BIRC6: variants seen among roughly 807,000 people sequenced by gnomAD.
BIRC6 encodes the protein dual E2 ubiquitin-conjugating enzyme/E3 ubiquitin-protein ligase BIRC6.
BIRC6 carries 98 observed loss-of-function variants against 503.3 expected under a neutral mutation model. The observed-to-expected ratio is 0.19, with a 90% CI of 0.17 to 0.23. The LOEUF (loss-of-function observed/expected upper bound fraction) is 0.23, where lower values mean the gene tolerates loss of function less well. Ranked by LOEUF, BIRC6 falls within the 10% of genes least tolerant of loss-of-function variation. The pLI is 1.00. For synonymous variants in BIRC6, 2,240 were observed against 2,078.7 expected, an observed-to-expected ratio of 1.08 and a Z score of -2.11; for missense variants, 5,360 against 5,806.0, an observed-to-expected ratio of 0.92 and a Z score of 2.50.
intron 1 of BIRC6, among the ~76,000 whole-genome samples, chr2:32,375,208 G>C (rs1018230999): frequency 1.3e-5 from 2 of 152,142 alleles, no homozygotes; most frequent in South Asian, 4.1e-4. Context: ...CTGTAAAAAG[G>C]GACAGTTTTA....
chr2:32,371,217 A>G (rs2035891502), intron 1 of BIRC6, among the ~76,000 whole-genome samples: 2 of 128,770 alleles, frequency 1.6e-5, no homozygotes, highest in Non-Finnish European at 3.2e-5. Context: ...CCCTGTCTCA[A>G]AAAAAAAAAA....
At position 32,607,627 on chromosome 2, in the gene BIRC6, C is replaced by T. The variant is rs1262100239; in HGVS notation, c.14243C>T (p.Ser4748Leu). The part of the protein sequence containing the change: ...WAMLEQIRNP[S>L]PCFKEVIHKH... Reference sequence around the variant, plus strand: ...ATGCTAGAACAAATCAGAAACCCTTCACCATGTTTTAAAGAGGTATGTTCA... The same window carrying T: ...ATGCTAGAACAAATCAGAAACCCTTTACCATGTTTTAAAGAGGTATGTTCA... The change falls in exon 72 of 74, where the codon TCA becomes TTA. Residue 4748 changes from serine (S) to leucine (L), a missense_variant. Ser to Leu is a moderately radical substitution (Grantham distance 145). Coordinates refer to ENST00000421745, the MANE Select transcript of BIRC6 (RefSeq NM_016252.4). 1.2e-6 allele frequency: 2 copies of T among 1,607,470 alleles called. No homozygotes were observed. The highest frequency in any genetic ancestry group is 1.7e-6 in the Non-Finnish European group (2 of 1,176,648).
At chr2:32,371,337 T>C (rs759889383) in intron 1 of BIRC6, among the ~76,000 whole-genome samples, 1 of 151,524 alleles carries the variant, frequency 6.6e-6, no homozygotes, top group Admixed American at 6.6e-5. Flanking sequence ...GAGATGGGCA[T>C]TGTTAACATT....
intron 68 of BIRC6, among the ~76,000 whole-genome samples, 171 bp downstream of exon 68, chr2:32,595,315 A>G (rs557579697): frequency 7.2e-5 from 11 of 152,280 alleles, no homozygotes; most frequent in Middle Eastern, 3.4e-3. Flanking sequence ...TTATGTCTGT[A>G]TTTTTAGTTA....
chr2:32,581,491 T>G (rs2151164646), intron 66 of BIRC6, among the ~76,000 whole-genome samples: 1 of 152,334 alleles, frequency 6.6e-6, no homozygotes, highest in African/African-American at 2.4e-5. Flanking sequence ...TTGCCTTTTT[T>G]TTCTACTTAG....
chr2:32,439,961 C>G (rs550926448), intron 16 of BIRC6, among the ~76,000 whole-genome samples: 2 of 152,350 alleles, frequency 1.3e-5, no homozygotes, highest in East Asian at 1.9e-4. Context: ...TCACTGCAAC[C>G]TCTGCCTCCC....
rs371974273 is a variant in BIRC6, at chr2:32,478,661, G to A, written c.7095G>A (p.Thr2365=). 5.3e-5 allele frequency: 86 copies of A among 1,612,328 alleles called. 1 individual carries two copies. The South Asian group carries it at 8.7e-4, about 16-fold the overall frequency. Residue 2365 remains threonine (T), a synonymous_variant, in exon 36 of 74, where the codon ACG becomes ACA. Transcript: ENST00000421745. ...CKVLARIANA[T]RPTIHLCEIV... is the part of the protein sequence containing the mutation. The stretch of plus-strand genomic sequence containing the variant: ...TTCTTGCACGCATTGCAAATGCCAC[G>A]AGGCCAACTATTCATCTGTGTGAGA...
chr2:32,467,655 G>A lies in BIRC6; in HGVS notation c.5487G>A (p.Arg1829=), dbSNP rs1313168463. ...CATTAGGAGAAGAGGTGGATGGAAG[G>A]CGGTTGGTAGTGGCAACTGATATAA... ...IWTLGEEVDG[R]RLVVATDIST... is the part of the protein sequence containing the mutation. Residue 1829 remains arginine (R), a synonymous_variant, in exon 27 of 74, where the codon AGG becomes AGA. Transcript: ENST00000421745. 2.5e-6 allele frequency: 4 copies of A among 1,613,776 alleles called. No individual in the cohort carries two copies. Among genetic ancestry groups the A allele is most frequent in the Admixed American group, 1.7e-5 (1 of 60,002 alleles).
At chr2:32,391,625 C>G (rs975447858) in intron 4 of BIRC6, among the ~76,000 whole-genome samples, 1 of 152,142 alleles carries the variant, frequency 6.6e-6, no homozygotes, top group Non-Finnish European at 1.5e-5. Context: ...TTTCTGTTAT[C>G]AGTTGTAATT....
intron 4 of BIRC6, among the ~76,000 whole-genome samples, chr2:32,389,974 C>T (rs1399868285): frequency 2.0e-5 from 3 of 152,074 alleles, no homozygotes; most frequent in Admixed American, 6.5e-5. Context: ...ATTCTCCTGC[C>T]TCAGCCTCCT....
chr2:32,562,531 A>G (rs2059268147), intron 65 of BIRC6, among the ~76,000 whole-genome samples: 1 of 152,220 alleles, frequency 6.6e-6, no homozygotes, highest in Non-Finnish European at 1.5e-5. Context: ...GCGCAATTTT[A>G]TGTATTCCAC....
intron 49 of BIRC6, among the ~76,000 whole-genome samples, chr2:32,504,463 C>T (rs564754222): frequency 1.8e-4 from 27 of 151,690 alleles, no homozygotes; most frequent in Admixed American, 5.2e-4. Flanking sequence ...GTCAGGAGAT[C>T]GAGACTGTCC....
intron 65 of BIRC6, among the ~76,000 whole-genome samples, chr2:32,572,651 A>C (rs891762331): frequency 6.6e-6 from 1 of 152,216 alleles, no homozygotes; most frequent in Non-Finnish European, 1.5e-5. Flanking sequence ...ATAGTATCTT[A>C]TAATACTATA....
At position 32,543,560 on chromosome 2, in the gene BIRC6, A is replaced by G. The variant is rs766534822; in HGVS notation, c.12592+19A>G. On this transcript the variant is annotated intron_variant, in intron 62 of 73. Transcript: ENST00000421745. ...GAAGGAAGTAAGTGTTTAGTATTAAATTTATCAACACATATGTGAATAGGT... is the reference window on the plus strand; with the variant it reads ...GAAGGAAGTAAGTGTTTAGTATTAAGTTTATCAACACATATGTGAATAGGT... The G allele has an allele frequency of 1.9e-6, 3 of 1,605,008 alleles. No individual in the cohort carries two copies. Among genetic ancestry groups the G allele is most frequent in the East Asian group, 2.2e-5 (1 of 44,846 alleles).
At chr2:32,365,131 T>C (rs1276945407) in intron 1 of BIRC6, among the ~76,000 whole-genome samples, 1 of 152,206 alleles carries the variant, frequency 6.6e-6, no homozygotes, top group Non-Finnish European at 1.5e-5. Context: ...TGACTGACTT[T>C]AGTGATATTA....
chr2:32,428,345 C>G (rs2043750501), intron 10 of BIRC6, among the ~76,000 whole-genome samples: 1 of 152,206 alleles, frequency 6.6e-6, no homozygotes, highest in African/African-American at 2.4e-5. Context: ...CAGTGCTTTG[C>G]TTGCCCCACA....
At chr2:32,382,159 G>T (rs147942241) in intron 3 of BIRC6, among the ~76,000 whole-genome samples, 1 of 152,170 alleles carries the variant, frequency 6.6e-6, no homozygotes, top group Admixed American at 6.5e-5. Context: ...GTAGAGATTA[G>T]GGGTTATCAG....
At chr2:32,514,773 ACT>A (rs1267395331) in intron 54 of BIRC6, among the ~76,000 whole-genome samples, 38 of 152,242 alleles carry the variant, frequency 2.5e-4, no homozygotes, top group African/African-American at 8.9e-4. Flanking sequence ...GACAAGTCTA[ACT>A]CAACTTGCAT....
In BIRC6 at chr2:32,508,276, C is replaced by CTTTTTTTTTTTTTTTTTT. The variant is rs10528992; in HGVS notation, c.9980+27_9980+44dup. The CTTTTTTTTTTTTTTTTTT allele has an allele frequency of 5.3e-5, 46 of 864,868 alleles. 6 individuals are homozygous for CTTTTTTTTTTTTTTTTTT. In the African/African-American group the frequency reaches 8.0e-4, roughly 15 times the overall value. 53.6% of individuals were successfully genotyped at this position (864,868 alleles called of 1,614,324 possible). ...CAAAACAAGGTATGTTTTGTTTGTCCTTTTTTTTTTTTTTTTTTTTTTTTT... is the reference window on the plus strand; with the variant it reads ...CAAAACAAGGTATGTTTTGTTTGTCCTTTTTTTTTTTTTTTTTTTTTTTTTTTTTTTTTTTTTTTTTTT... On this transcript the variant is annotated intron_variant, in intron 51 of 73. Transcript: ENST00000421745.
Sources: gnomAD v4.1 joint callset for allele counts (sites outside exome capture counted in the v4.1 genomes callset) on GRCh38, gnomAD v4.1.1 for gene constraint, MANE v1.5 for transcripts, NCBI Gene and HGNC (gene_info 2026-07-23, HGNC 2026-07-21) for gene names.